Variants in GRIK2 observed in about 807,000 individuals in gnomAD.
GRIK2 encodes glutamate receptor ionotropic, kainate 2.
GRIK2 carries 32 observed loss-of-function variants against 100.3 expected under a neutral mutation model. The observed-to-expected ratio is 0.32, with a 90% CI of 0.24 to 0.43. The LOEUF (loss-of-function observed/expected upper bound fraction) is 0.43. Among genes scored for constraint, GRIK2 ranks in the 20% least tolerant of loss-of-function variants. The probability of loss-of-function intolerance (pLI) is 1.00; values close to 1 mark genes in which losing one functional copy is unlikely to be tolerated. For synonymous variants in GRIK2, 417 were observed against 389.4 expected (o/e 1.07, Z -0.83); for missense variants, 843 against 1,114.9 (o/e 0.76, Z 3.47).
intron 14 of GRIK2, among the ~76,000 whole-genome samples, chr6:101,996,531 A>T (rs1794659337): frequency 6.6e-6 from 1 of 152,140 alleles, no homozygotes; most frequent in Non-Finnish European, 1.5e-5. Flanking sequence ...GATTGTGCAC[A>T]AAGGTATTTT....
intron 14 of GRIK2, among the ~76,000 whole-genome samples, chr6:101,945,659 G>A (rs1791227438): frequency 6.6e-6 from 1 of 152,028 alleles, no homozygotes; most frequent in South Asian, 2.1e-4. Context: ...TGCATCATCA[G>A]TTGTTCCATT....
chr6:102,006,018 C>A (rs78468809), intron 14 of GRIK2, among the ~76,000 whole-genome samples: 2 of 151,798 alleles, frequency 1.3e-5, no homozygotes, highest in African/African-American at 2.4e-5. Flanking sequence ...AGGTGCACTG[C>A]GATGGCCTTA....
intron 2 of GRIK2, among the ~76,000 whole-genome samples, chr6:101,491,810 G>T (rs1301142785): frequency 6.6e-6 from 1 of 151,718 alleles, no homozygotes; most frequent in Non-Finnish European, 1.5e-5. Flanking sequence ...AGATTTCCCT[G>T]GGTGATGCTA....
intron 2 of GRIK2, among the ~76,000 whole-genome samples, chr6:101,416,929 G>A (rs773296617): frequency 4.6e-5 from 7 of 152,104 alleles, no homozygotes; most frequent in Non-Finnish European, 7.4e-5. Flanking sequence ...TCAGAAAAAA[G>A]GAAGTAGTTT....
intron 2 of GRIK2, among the ~76,000 whole-genome samples, chr6:101,553,912 A>G (rs140679189): frequency 3.9e-5 from 6 of 152,336 alleles, no homozygotes; most frequent in South Asian, 2.1e-4. Flanking sequence ...TTGCCTGCCC[A>G]TACCGCCTTC....
At chr6:101,801,913 T>A (rs1780695759) in intron 8 of GRIK2, among the ~76,000 whole-genome samples, 1 of 151,910 alleles carries the variant, frequency 6.6e-6, no homozygotes, top group African/African-American at 2.4e-5. Context: ...CTTATTGTAA[T>A]AAGTTCCTTT....
intron 2 of GRIK2, among the ~76,000 whole-genome samples, chr6:101,515,738 C>A (rs1328660178): frequency 6.6e-6 from 1 of 152,030 alleles, no homozygotes; most frequent in Non-Finnish European, 1.5e-5. Context: ...CTATTCATAT[C>A]CTTAACCCAC....
At chr6:101,743,076 G>A (rs1177284343) in intron 7 of GRIK2, among the ~76,000 whole-genome samples, 1 of 152,128 alleles carries the variant, frequency 6.6e-6, no homozygotes, top group Non-Finnish European at 1.5e-5. Flanking sequence ...TTACAAAATG[G>A]TATTTGTTAG....
chr6:101,897,386 G>A (rs1787540747), intron 12 of GRIK2, among the ~76,000 whole-genome samples: 1 of 151,428 alleles, frequency 6.6e-6, no homozygotes, highest in Non-Finnish European at 1.5e-5. Context: ...TTTTTTCATA[G>A]CGGCAGAATA....
At chr6:101,993,323 A>G (rs74762069) in intron 14 of GRIK2, 2 of 77,658 alleles carry the variant, frequency 2.6e-5, no homozygotes, top group South Asian at 4.5e-4. Flanking sequence ...AGGTGACTCT[A>G]TTTTCTCAAA....
At chr6:101,974,332 A>G (rs1393757922) in intron 14 of GRIK2, among the ~76,000 whole-genome samples, 1 of 151,998 alleles carries the variant, frequency 6.6e-6, no homozygotes, top group African/African-American at 2.4e-5. Flanking sequence ...AATAGTAGAT[A>G]TACGTCCTGC....
At chr6:101,588,169 T>C (rs1229732115) in intron 2 of GRIK2, among the ~76,000 whole-genome samples, 1 of 152,026 alleles carries the variant, frequency 6.6e-6, no homozygotes, top group African/African-American at 2.4e-5. Context: ...ATCATCAGAA[T>C]GTAAATAGAT....
chr6:101,555,941 A>C (rs1458037764), intron 2 of GRIK2, among the ~76,000 whole-genome samples: 1 of 152,146 alleles, frequency 6.6e-6, no homozygotes, highest in Non-Finnish European at 1.5e-5. Context: ...ATTACTTAGT[A>C]ATGAAGGAGA....
intron 10 of GRIK2, among the ~76,000 whole-genome samples, chr6:101,838,483 G>T (rs947353414): frequency 7.9e-5 from 12 of 152,052 alleles, no homozygotes; most frequent in African/African-American, 2.9e-4. Context: ...TGACCACCCT[G>T]CTGTGCCAGT....
At chr6:101,764,650 C>G (rs1011926758) in intron 7 of GRIK2, among the ~76,000 whole-genome samples, 1 of 152,018 alleles carries the variant, frequency 6.6e-6, no homozygotes, top group African/African-American at 2.4e-5. Flanking sequence ...TCATTATCAT[C>G]ATTGTTATTA....
chr6:101,704,011 C>T (rs1773083002), intron 7 of GRIK2, among the ~76,000 whole-genome samples: 1 of 151,274 alleles, frequency 6.6e-6, no homozygotes, highest in Non-Finnish European at 1.5e-5. Flanking sequence ...TAAGAAGGGG[C>T]AATAGGAGCA....
intron 2 of GRIK2, among the ~76,000 whole-genome samples, chr6:101,413,305 G>C (rs553984817): frequency 6.6e-6 from 1 of 152,080 alleles, no homozygotes; most frequent in African/African-American, 2.4e-5. Flanking sequence ...TCAAGAAAGA[G>C]AGATGAAGTT....
At chr6:101,891,345 C>T (rs754130290) in intron 12 of GRIK2, among the ~76,000 whole-genome samples, 4 of 151,436 alleles carry the variant, frequency 2.6e-5, no homozygotes, top group Admixed American at 1.3e-4. Flanking sequence ...GGTGAAACCC[C>T]GTCTTTACTA....
intron 7 of GRIK2, among the ~76,000 whole-genome samples, chr6:101,785,490 TG>T (rs1732241249): frequency 6.6e-6 from 1 of 152,180 alleles, no homozygotes; most frequent in Non-Finnish European, 1.5e-5. Flanking sequence ...CAATATTTTT[TG>T]TATATGATGA....
Sources: allele counts gnomAD v4.1 joint callset (sites outside exome capture counted in the v4.1 genomes callset), GRCh38; gene constraint gnomAD v4.1.1; transcripts MANE v1.5; gene names NCBI Gene and HGNC (gene_info 2026-07-23, HGNC 2026-07-21).